Variants in ADGRG3 observed in about 807,000 individuals in gnomAD.
ADGRG3 encodes the protein G protein-coupled receptor 97.
ADGRG3 carries 39 observed loss-of-function variants against 54.3 expected under a neutral mutation model. The ratio of observed to expected loss-of-function variants is 0.72; its 90% CI spans 0.56 to 0.94. ADGRG3 has a LOEUF of 0.94. Ranked by LOEUF, ADGRG3 falls within the 40% of genes least tolerant of loss-of-function variation. ADGRG3 has a pLI of 0.00. For missense variants in ADGRG3, 654 were observed against 694.6 expected (o/e 0.94, Z 0.66); for synonymous variants, 312 against 290.0 (o/e 1.08, Z -0.77).
At chr16:57,668,276 C>A, upstream of ADGRG3, 1 of 1,314,044 alleles carries the variant, frequency 7.6e-7, no homozygotes, top group Non-Finnish European at 1.1e-6. Context: ...GGGGGCAGGC[C>A]AGCTCAGCAG....
At chr16:57,668,965 C>T (rs2048101944) in intron 1 of ADGRG3, among the ~76,000 whole-genome samples, 1 of 152,228 alleles carries the variant, frequency 6.6e-6, no homozygotes, top group Non-Finnish European at 1.5e-5. Flanking sequence ...CCGTCTCACA[C>T]ACAAACACAT....
At chr16:57,680,107 C>T (rs1176262830) in intron 6 of ADGRG3, among the ~76,000 whole-genome samples, 158 bp from the exon 7 acceptor site, 2 of 101,358 alleles carry the variant, frequency 2.0e-5, no homozygotes, top group Non-Finnish European at 4.0e-5. Flanking sequence ...CTCTCCTCTC[C>T]TCCCCTCCCT....
chr16:57,671,332 GTTTT>G (rs60592653), intron 1 of ADGRG3, among the ~76,000 whole-genome samples: 14 of 86,358 alleles, frequency 1.6e-4, no homozygotes, highest in African/African-American at 6.5e-4. Context: ...TAGAATAGGA[GTTTT>G]TTTTTTTTTT....
At chr16:57,686,049 G>C in intron 11 of ADGRG3, 123 bp downstream of exon 11, 2 of 1,008,070 alleles carry the variant, frequency 2.0e-6, no homozygotes, top group Non-Finnish European at 2.9e-6. Flanking sequence ...AGTCAAGGAT[G>C]TTGATTTCAA....
At chr16:57,673,255 C>T (rs1269405602) in intron 1 of ADGRG3, 66 bp from the exon 2 acceptor site, 3 of 1,506,602 alleles carry the variant, frequency 2.0e-6, no homozygotes, top group Non-Finnish European at 1.8e-6. Flanking sequence ...AGCTCCTTTC[C>T]CTGCTCCTCA....
In ADGRG3 at chr16:57,668,418, C is replaced by T; in HGVS notation, c.58+13C>T. The T allele has an allele frequency of 6.4e-7, 1 of 1,561,284 alleles. No homozygotes were observed. The highest frequency in any genetic ancestry group is 8.6e-7 in the Non-Finnish European group (1 of 1,161,110). ...CTCCCGACCTCAGGTGAGTGGCTGG[C>T]ACCTCATCCCCTCCTGCCACGCTGG... On this transcript the variant is annotated intron_variant, in intron 1 of 11. Transcript: ENST00000333493.
In ADGRG3 at chr16:57,669,569, G is replaced by A. The variant is rs79244250; in HGVS notation, c.58+1164G>A. 6.3e-3 allele frequency among the ~76,000 whole-genome samples: 955 copies of A among 152,326 alleles called. 5 individuals carry two copies. Among genetic ancestry groups the A allele is most frequent in the Non-Finnish European group, 0.011 (724 of 68,030 alleles). The stretch of plus-strand genomic sequence containing the variant: ...TGCTGTTTCCCCCATGGTGATGTGG[G>A]TGCTCTGGTTGGGGCAGAGCAGCAG... On this transcript the variant is annotated intron_variant, in intron 1 of 11. Coordinates refer to ENST00000333493, the MANE Select transcript of ADGRG3 (RefSeq NM_170776.5).
At chr16:57,666,552 T>C (rs1006076979), upstream of ADGRG3, among the ~76,000 whole-genome samples, 3 of 152,154 alleles carry the variant, frequency 2.0e-5, no homozygotes, top group African/African-American at 4.8e-5. Context: ...TGGGTCTCGC[T>C]GGAGGACTTG....
chr16:57,684,157 G>T lies in ADGRG3; in HGVS notation c.1107G>T (p.Arg369Ser). The change falls in exon 9 of 12, where the codon AGG becomes AGT. Residue 369 changes from arginine (R) to serine (S), a missense_variant. By Grantham distance (110) the Arg-to-Ser change is moderately radical (BLOSUM62 -1). Coordinates refer to ENST00000333493, the MANE Select transcript of ADGRG3 (RefSeq NM_170776.5). Reference protein sequence around the residue: ...EAFHLYLLAVRVFNTYFGHYF... With the variant: ...EAFHLYLLAVSVFNTYFGHYF... Reference sequence around the variant, plus strand: ...TCCACCTCTACCTGCTCGCTGTCAGGGTCTTCAACACCTACTTCGGGCACT... The same window carrying T: ...TCCACCTCTACCTGCTCGCTGTCAGTGTCTTCAACACCTACTTCGGGCACT... 6.2e-7 allele frequency: 1 copy of T among 1,614,008 alleles called. No individual in the cohort carries two copies. The highest frequency in any genetic ancestry group is 8.5e-7 in the Non-Finnish European group (1 of 1,179,962).
upstream of ADGRG3, among the ~76,000 whole-genome samples, chr16:57,667,815 G>A (rs143632408): frequency 1.5e-3 from 231 of 152,336 alleles, no homozygotes; most frequent in African/African-American, 5.1e-3. Context: ...CTGGGTCTTC[G>A]TCCTCATGCC....
chr16:57,685,858 G>T lies in ADGRG3; in HGVS notation c.1472G>T (p.Gly491Val). The stretch of plus-strand genomic sequence containing the variant: ...TCGAGCCTGGTGGGTGTGACATGGG[G>T]GTTGGCCATCTTCACCCCGTTGGGC... ...GLSSLVGVTW[G>V]LAIFTPLGLS... Residue 491 changes from glycine (G) to valine (V), a missense_variant, in exon 11 of 12, where the codon GGG becomes GTG. Coordinates refer to ENST00000333493, the MANE Select transcript of ADGRG3 (RefSeq NM_170776.5). 6.2e-7 allele frequency: 1 copy of T among 1,614,140 alleles called. No homozygotes were observed. Among genetic ancestry groups the T allele is most frequent in the Non-Finnish European group, 8.5e-7 (1 of 1,180,034 alleles).
intron 8 of ADGRG3, 25 bp downstream of exon 8, chr16:57,680,642 A>T (rs749380007): frequency 7.4e-6 from 11 of 1,488,916 alleles, no homozygotes; most frequent in Non-Finnish European, 9.4e-6. Flanking sequence ...CCTCCCCACC[A>T]TGTCTCCCTC....
At chr16:57,670,045 G>A (rs889227485) in intron 1 of ADGRG3, among the ~76,000 whole-genome samples, 5 of 152,202 alleles carry the variant, frequency 3.3e-5, no homozygotes, top group African/African-American at 7.2e-5. Flanking sequence ...GGAGGGAAAT[G>A]GCGGTGGTTT....
chr16:57,675,999 A>T (rs1265386881), intron 2 of ADGRG3, among the ~76,000 whole-genome samples: 1 of 152,236 alleles, frequency 6.6e-6, no homozygotes, highest in Non-Finnish European at 1.5e-5. Flanking sequence ...AAAGACAAAC[A>T]CATAAAATAC....
chr16:57,671,460 C>A (rs1038925617), intron 1 of ADGRG3, among the ~76,000 whole-genome samples: 9 of 151,186 alleles, frequency 6.0e-5, no homozygotes, highest in Non-Finnish European at 1.0e-4. Flanking sequence ...CCTGCCTCAG[C>A]CTTCTGAGTA....
chr16:57,674,310 A>G (rs1328434016), intron 2 of ADGRG3, among the ~76,000 whole-genome samples: 2 of 152,042 alleles, frequency 1.3e-5, no homozygotes, highest in East Asian at 1.9e-4. Flanking sequence ...GACTGGTTAG[A>G]TGTGGGGGTG....
intron 8 of ADGRG3, 39 bp downstream of exon 8, chr16:57,680,656 C>T (rs762319552): frequency 8.6e-6 from 12 of 1,393,440 alleles, no homozygotes; most frequent in Non-Finnish European, 1.2e-5. Context: ...CTCCCTCCCG[C>T]CCTCAAGGGA....
At position 57,685,908 on chromosome 16, in the gene ADGRG3, C is replaced by G. The variant is rs2048464578; in HGVS notation, c.1522C>G (p.Leu508Val). ...CCTCTCCACCGTCTACATCTTTGCACTTTTCAACTCCTTGCAAGGTGAGGC... is the reference window on the plus strand; with the variant it reads ...CCTCTCCACCGTCTACATCTTTGCAGTTTTCAACTCCTTGCAAGGTGAGGC... ...LGLSTVYIFA[L>V]FNSLQGVFIC... Residue 508 changes from leucine (L) to valine (V), a missense_variant, in exon 11 of 12, where the codon CTT becomes GTT. Physicochemically the swap from Leu to Val is conservative, Grantham distance 32. Coordinates refer to ENST00000333493, the MANE Select transcript of ADGRG3 (RefSeq NM_170776.5). The G allele has an allele frequency of 6.2e-7, 1 of 1,613,938 alleles. No individual in the cohort carries two copies. Among genetic ancestry groups the G allele is most frequent in the Non-Finnish European group, 8.5e-7 (1 of 1,179,846 alleles).
chr16:57,670,693 T>A (rs1441791259), intron 1 of ADGRG3, among the ~76,000 whole-genome samples: 1 of 152,232 alleles, frequency 6.6e-6, no homozygotes, highest in Non-Finnish European at 1.5e-5. Context: ...AAATTTACAG[T>A]TCCTTTATAA....
Sources: allele counts gnomAD v4.1 joint callset (sites outside exome capture counted in the v4.1 genomes callset), GRCh38; gene constraint gnomAD v4.1.1; transcripts MANE v1.5; gene names NCBI Gene and HGNC (gene_info 2026-07-23, HGNC 2026-07-21).